The following KAZN variants were observed in gnomAD, a reference collection of about 807,000 sequenced individuals.
The protein encoded by KAZN is kazrin, periplakin interacting protein.
KAZN carries 40 observed loss-of-function variants against 87.4 expected under a neutral mutation model. The ratio of observed to expected loss-of-function variants is 0.46; its 90% CI spans 0.36 to 0.60. The LOEUF (loss-of-function observed/expected upper bound fraction) is 0.60. Ranked by LOEUF, KAZN falls within the 20% of genes least tolerant of loss-of-function variation. The pLI is 0.00. For missense variants in KAZN, 898 were observed against 1,073.9 expected, an observed-to-expected ratio of 0.84 and a Z score of 2.29; for synonymous variants, 466 against 458.3, an observed-to-expected ratio of 1.02 and a Z score of -0.22.
At chr1:14,022,400 T>C in intron 1 of KAZN, among the ~76,000 whole-genome samples, 1 of 145,188 alleles carries the variant, frequency 6.9e-6, no homozygotes, top group East Asian at 2.0e-4. Context: ...ATGATAACAA[T>C]CTTGATTATT....
intron 1 of KAZN, among the ~76,000 whole-genome samples, chr1:13,900,568 C>T (rs1391547001): frequency 6.6e-6 from 1 of 152,156 alleles, no homozygotes; most frequent in African/African-American, 2.4e-5. Context: ...GTGGTCTCAG[C>T]TTGTGAGCAG....
chr1:14,551,569 G>A (rs1052257770), intron 2 of KAZN, among the ~76,000 whole-genome samples: 1 of 152,152 alleles, frequency 6.6e-6, no homozygotes. Flanking sequence ...TATATCAACT[G>A]TGTACTCATG....
chr1:14,418,571 C>G (rs1295840381), intron 2 of KAZN, among the ~76,000 whole-genome samples: 3 of 152,196 alleles, frequency 2.0e-5, no homozygotes, highest in African/African-American at 7.2e-5. Flanking sequence ...TTATCACCAT[C>G]AGGCAAGGAA....
intron 2 of KAZN, among the ~76,000 whole-genome samples, chr1:14,515,177 T>G (rs2148454986): frequency 6.6e-6 from 1 of 152,288 alleles, no homozygotes. Flanking sequence ...AAATGAACAT[T>G]TAATGACCTT....
chr1:15,104,915 A>T (rs1641243299), intron 13 of KAZN, among the ~76,000 whole-genome samples: 1 of 152,342 alleles, frequency 6.6e-6, no homozygotes, highest in African/African-American at 2.4e-5. Flanking sequence ...AGTAAGTGGC[A>T]AATCCTAGAT....
chr1:15,103,531 C>A, intron 12 of KAZN, 71 bp downstream of exon 12: 3 of 919,710 alleles, frequency 3.3e-6, no homozygotes, highest in Admixed American at 2.1e-5. Flanking sequence ...ATATGCAAAT[C>A]AATATGCAAA....
chr1:14,243,325 C>T (rs909068957), intron 2 of KAZN, among the ~76,000 whole-genome samples: 1 of 151,122 alleles, frequency 6.6e-6, no homozygotes, highest in African/African-American at 2.4e-5. Flanking sequence ...CGGGCCCTAC[C>T]CTTTTCTGCA....
intron 1 of KAZN, among the ~76,000 whole-genome samples, chr1:13,975,214 C>T (rs779433993): frequency 2.8e-4 from 42 of 152,238 alleles, no homozygotes; most frequent in Non-Finnish European, 4.0e-4. Flanking sequence ...GTATTTGGAT[C>T]GAATTTGGCA....
intron 1 of KAZN, among the ~76,000 whole-genome samples, chr1:14,831,445 G>T (rs1647046226): frequency 2.0e-5 from 3 of 152,062 alleles, no homozygotes; most frequent in South Asian, 4.1e-4. Context: ...CAACAGCATT[G>T]GTCAGTTCTG....
At chr1:14,048,486 C>A (rs1419651435) in intron 1 of KAZN, among the ~76,000 whole-genome samples, 1 of 151,770 alleles carries the variant, frequency 6.6e-6, no homozygotes, top group Admixed American at 6.6e-5. Flanking sequence ...TCACTGCAAC[C>A]TCTACCTCTG....
At chr1:14,697,879 C>A (rs1641704476) in intron 1 of KAZN, among the ~76,000 whole-genome samples, 1 of 152,218 alleles carries the variant, frequency 6.6e-6, no homozygotes, top group Non-Finnish European at 1.5e-5. Context: ...CCTCACACAT[C>A]TCATTCTAAT....
chr1:14,017,735 G>A (rs144590666), intron 1 of KAZN, among the ~76,000 whole-genome samples: 1 of 152,342 alleles, frequency 6.6e-6, no homozygotes, highest in Non-Finnish European at 1.5e-5. Flanking sequence ...AGCATGGCCT[G>A]TGGAAATTTT....
chr1:14,835,716 C>G (rs1335073877), intron 1 of KAZN, among the ~76,000 whole-genome samples: 1 of 152,058 alleles, frequency 6.6e-6, no homozygotes, highest in Non-Finnish European at 1.5e-5. Context: ...CTTCCAGGGC[C>G]CCTTTTGTCC....
chr1:14,394,849 T>G (rs1662760332), intron 2 of KAZN, among the ~76,000 whole-genome samples: 1 of 152,196 alleles, frequency 6.6e-6, no homozygotes, highest in African/African-American at 2.4e-5. Context: ...ATTGGATAAG[T>G]TAGACTGATA....
chr1:14,091,186 A>G (rs1570716147), intron 1 of KAZN, among the ~76,000 whole-genome samples: 2 of 151,184 alleles, frequency 1.3e-5, no homozygotes, highest in Non-Finnish European at 2.9e-5. Flanking sequence ...TCCTCTTGGT[A>G]TATTGCCATG....
chr1:14,369,879 T>C (rs1299608326), intron 2 of KAZN, among the ~76,000 whole-genome samples: 1 of 152,220 alleles, frequency 6.6e-6, no homozygotes, highest in Non-Finnish European at 1.5e-5. Context: ...TGATGGTGCT[T>C]AGTCTAAGTC....
chr1:14,942,294 G>T (rs1344346217), intron 1 of KAZN, among the ~76,000 whole-genome samples: 1 of 152,180 alleles, frequency 6.6e-6, no homozygotes, highest in Admixed American at 6.5e-5. Flanking sequence ...TGTCGGGAAA[G>T]AGGAAACGTC....
intron 1 of KAZN, among the ~76,000 whole-genome samples, chr1:14,610,231 A>T (rs966514599): frequency 6.6e-5 from 10 of 152,032 alleles, no homozygotes; most frequent in African/African-American, 2.4e-4. Flanking sequence ...TGTTTGAGAC[A>T]GAGTCTCATT....
intron 2 of KAZN, among the ~76,000 whole-genome samples, chr1:14,416,886 T>C (rs1034761527): frequency 6.6e-6 from 1 of 151,892 alleles, no homozygotes; most frequent in Non-Finnish European, 1.5e-5. Context: ...GATCAGGAGT[T>C]TAAGACCAGC....
Sources: gnomAD v4.1 joint callset for allele counts (sites outside exome capture counted in the v4.1 genomes callset) on GRCh38, gnomAD v4.1.1 for gene constraint, MANE v1.5 for transcripts, NCBI Gene and HGNC (gene_info 2026-07-23, HGNC 2026-07-21) for gene names.